CYP46A1: variants seen among roughly 807,000 people sequenced by gnomAD.
CYP46A1 encodes cytochrome P450 family 46 subfamily A member 1.
CYP46A1 carries 20 observed loss-of-function variants against 63.3 expected under a neutral mutation model. That is an observed-to-expected ratio of 0.32 (90% CI 0.22 to 0.46). The LOEUF (loss-of-function observed/expected upper bound fraction) is 0.46. Among genes scored for constraint, CYP46A1 ranks in the 20% least tolerant of loss-of-function variants. The probability of loss-of-function intolerance (pLI) is 1.00; values close to 1 mark genes in which losing one functional copy is unlikely to be tolerated. For missense variants in CYP46A1, 445 were observed against 670.8 expected (o/e 0.66, Z 3.72); for synonymous variants, 268 against 273.6 (o/e 0.98, Z 0.20).
chr14:99,705,318 C>T (rs140270967), intron 5 of CYP46A1, among the ~76,000 whole-genome samples: 93 of 152,324 alleles, frequency 6.1e-4, no homozygotes, highest in African/African-American at 1.9e-3. Context: ...AGTGATCCTC[C>T]GGCCTCAGCC....
At chr14:99,692,549 G>A (rs2056552995) in intron 3 of CYP46A1, among the ~76,000 whole-genome samples, 1 of 144,190 alleles carries the variant, frequency 6.9e-6, no homozygotes, top group Non-Finnish European at 1.5e-5. Flanking sequence ...CAAAAAAAGG[G>A]CCAGGCACAG....
intron 10 of CYP46A1, 85 bp downstream of exon 10, chr14:99,718,211 G>A (rs1172744418): frequency 3.4e-6 from 4 of 1,189,712 alleles, no homozygotes; most frequent in African/African-American, 3.0e-5. Flanking sequence ...TCCCATGGTT[G>A]AGTCCCCTCA....
intron 7 of CYP46A1, among the ~76,000 whole-genome samples, chr14:99,714,576 T>G (rs1372689859): frequency 6.6e-6 from 1 of 152,008 alleles, no homozygotes. Flanking sequence ...GCCTTTCACA[T>G]GGTGAAACCC....
chr14:99,713,882 A>C (rs796184795), intron 7 of CYP46A1, among the ~76,000 whole-genome samples: 233 of 151,518 alleles, frequency 1.5e-3, no homozygotes, highest in South Asian at 5.2e-3. Flanking sequence ...AAAAAAAAAA[A>C]AAAAAAAAGA....
Position 99,726,480 on chromosome 14 carries a change from T to C in CYP46A1, c.1333-77T>C, listed in dbSNP as rs1368269451. The C allele has an allele frequency of 1.4e-5, 19 of 1,383,000 alleles. No individual in the cohort carries two copies. In the East Asian group the frequency reaches 3.8e-4, roughly 28 times the overall value. The allele number at this position is 1,383,000 out of a possible 1,614,324, so 85.7% of individuals were successfully genotyped here. ...GGCTCTCCAGGAGGAGAGCCGGCTG[T>C]GACATTTGCTGCTCATTCACTCACT... is the stretch of plus-strand genomic sequence containing the variant. On this transcript the variant is annotated intron_variant, in intron 14 of 14. Coordinates refer to ENST00000261835, the MANE Select transcript of CYP46A1 (RefSeq NM_006668.2).
At chr14:99,685,908 C>A (rs541481137) in intron 1 of CYP46A1, among the ~76,000 whole-genome samples, 38 of 152,292 alleles carry the variant, frequency 2.5e-4, no homozygotes, top group African/African-American at 8.9e-4. Context: ...TCAATGCTAA[C>A]TCCTCAGGGA....
chr14:99,726,140 G>T, intron 13 of CYP46A1, 50 bp from the exon 14 acceptor site: 2 of 1,530,940 alleles, frequency 1.3e-6, no homozygotes, highest in South Asian at 2.2e-5. Context: ...TGTTGTTCCT[G>T]TGGGGACGCC....
At chr14:99,709,177 CAAT>C (rs1210875925) in intron 7 of CYP46A1, 2 of 152,102 alleles carry the variant, frequency 1.3e-5, no homozygotes, top group African/African-American at 4.8e-5. Flanking sequence ...TTCAAAGAAA[CAAT>C]AACTCTCCAG....
At position 99,699,897 on chromosome 14, in the gene CYP46A1, G is replaced by A. The variant is rs2056615871; in HGVS notation, c.357-118G>A. The A allele has an allele frequency of 2.9e-5, 20 of 700,122 alleles. No homozygotes were observed. In the South Asian group the frequency reaches 3.2e-4, roughly 11 times the overall value. 43.4% of individuals were successfully genotyped at this position (700,122 alleles called of 1,614,324 possible). On this transcript the variant is annotated intron_variant, in intron 4 of 14. Coordinates refer to ENST00000261835, the MANE Select transcript of CYP46A1 (RefSeq NM_006668.2). The stretch of plus-strand genomic sequence containing the variant: ...AGTGCCTTCACAATGTGGCGCAACC[G>A]TCGCCACCGCCTAGCTCCAATACCG...
At position 99,684,427 on chromosome 14, in the gene CYP46A1, G is replaced by C; in HGVS notation, c.10G>C (p.Gly4Arg). 1 of 1,462,788 alleles carries C rather than the reference G, an allele frequency of 6.8e-7. No individual in the cohort carries two copies. The highest frequency in any genetic ancestry group is 9.0e-7 in the Non-Finnish European group (1 of 1,112,672). The allele number at this position is 1,462,788 out of a possible 1,614,324, so 90.6% of individuals were successfully genotyped here. ...GCCCTGCCCCGGAGCCATGAGCCCC[G>C]GGCTGCTGCTGCTCGGCAGCGCCGT... Reference protein sequence around the residue: MSPGLLLLGSAVLL... With the variant: MSPRLLLLGSAVLL... Residue 4 changes from glycine to arginine, a missense_variant, in exon 1 of 15, where the codon GGG becomes CGG. Physicochemically the swap from Gly to Arg is moderately radical, Grantham distance 125 (BLOSUM62 -2). This residue lies in a region of CYP46A1 where 252 missense variants were observed against 383.3 expected (regional missense o/e 0.66). Transcript: ENST00000261835.
chr14:99,699,278 A>G (rs1351305367), intron 3 of CYP46A1, among the ~76,000 whole-genome samples, 188 bp from the exon 4 acceptor site: 1 of 151,962 alleles, frequency 6.6e-6, no homozygotes, highest in South Asian at 2.1e-4. Context: ...TCTGTGCTGC[A>G]TTTTCCCCAT....
At chr14:99,700,808 C>T (rs967278240) in intron 5 of CYP46A1, among the ~76,000 whole-genome samples, 2 of 152,328 alleles carry the variant, frequency 1.3e-5, no homozygotes, top group African/African-American at 4.8e-5. Context: ...TACTATACAA[C>T]AGCCTCAGGC....
chr14:99,684,820 C>A, intron 1 of CYP46A1: 1 of 529,852 alleles, frequency 1.9e-6, no homozygotes, highest in Non-Finnish European at 3.6e-6. Context: ...GACGAGGAGA[C>A]TGAGGCGCTC....
At chr14:99,696,962 C>A (rs923761368) in intron 3 of CYP46A1, among the ~76,000 whole-genome samples, 5 of 152,142 alleles carry the variant, frequency 3.3e-5, no homozygotes, top group Admixed American at 6.6e-5. Context: ...TACTTGAGAG[C>A]TAGTTTAGCC....
intron 5 of CYP46A1, among the ~76,000 whole-genome samples, chr14:99,704,279 A>G (rs34513148): frequency 0.31 from 47,672 of 152,032 alleles, 8,085 homozygotes; most frequent in South Asian, 0.39. Context: ...TCACAATAAG[A>G]TGTTGTCTTA....
At chr14:99,717,815 G>T (rs1007711228) in intron 9 of CYP46A1, 1 of 476,278 alleles carries the variant, frequency 2.1e-6, no homozygotes, top group Non-Finnish European at 3.7e-6. Context: ...TCTCCCTGCT[G>T]TGTGACCACA....
At chr14:99,706,936 G>C (rs1566830650) in intron 6 of CYP46A1, 151 bp downstream of exon 6, 4 of 1,067,104 alleles carry the variant, frequency 3.7e-6, no homozygotes, top group Non-Finnish European at 3.9e-6. Context: ...TATACATTCT[G>C]TCTCCTTCAA....
intron 3 of CYP46A1, chr14:99,695,604 TTTATTATTATTATTATTA>T (rs3070460): frequency 7.0e-6 from 1 of 142,852 alleles, no homozygotes; most frequent in Admixed American, 7.1e-5. Context: ...CCATTCCAGC[TTTATTATTATTATTATTA>T]TTATTATTAT....
At chr14:99,707,508 GC>G in intron 6 of CYP46A1, 59 bp from the exon 7 acceptor site, 11 of 1,381,430 alleles carry the variant, frequency 8.0e-6, no homozygotes, top group Non-Finnish European at 1.1e-5. Context: ...GCCAGGCTTT[GC>G]CCTGGATCTG....
Sources: gnomAD v4.1 joint callset for allele counts (sites outside exome capture counted in the v4.1 genomes callset) on GRCh38, gnomAD v4.1.1 for gene constraint, gnomAD v4.1.1 regional missense constraint, MANE v1.5 for transcripts, NCBI Gene and HGNC (gene_info 2026-07-23, HGNC 2026-07-21) for gene names.